Variants in LINGO2 observed in about 807,000 individuals in gnomAD.
LINGO2 encodes the protein leucine rich repeat and Ig domain containing 2, also known as leucine-rich repeat and immunoglobulin-like domain-containing nogo receptor-interacting protein 2.
A neutral mutation model predicts 30.6 loss-of-function variants in LINGO2; 14 were observed. The ratio of observed to expected loss-of-function variants is 0.46; its 90% CI spans 0.30 to 0.72. The LOEUF (loss-of-function observed/expected upper bound fraction) is 0.72, where lower values mean the gene tolerates loss of function less well. Ranked by LOEUF, LINGO2 falls within the 30% of genes least tolerant of loss-of-function variation. LINGO2 has a pLI of 0.07. For synonymous variants in LINGO2, 317 were observed against 288.5 expected (o/e 1.10, Z -1.00); for missense variants, 729 against 751.7 (o/e 0.97, Z 0.35).
rs139224893 is a variant in LINGO2 at position 28,451,075 on chromosome 9, G to C, written c.-279+24865C>G. On this transcript the variant is annotated intron_variant, in intron 2 of 5. Transcript: ENST00000379992. Reference sequence around the variant, plus strand: ...CAAAGTGAAAAAAGATAAAATTTTTGAATGCAAGTGTGTCAAATTGTTTAA... The same window carrying C: ...CAAAGTGAAAAAAGATAAAATTTTTCAATGCAAGTGTGTCAAATTGTTTAA... Among the ~76,000 whole-genome samples the C allele has an allele frequency of 1.2e-3, 183 of 151,872 alleles. 2 individuals carry two copies. The highest frequency in any genetic ancestry group is 4.2e-3 in the African/African-American group (176 of 41,514).
At chr9:29,055,339 T>C in the LINGO2 span, among the ~76,000 whole-genome samples, 1 of 152,284 alleles carries the variant, frequency 6.6e-6, no homozygotes, top group Non-Finnish European at 1.5e-5. Flanking sequence ...AATGACTTAG[T>C]TTGTCCTCAA....
the LINGO2 span, among the ~76,000 whole-genome samples, chr9:29,032,628 G>A: frequency 6.9e-3 from 1,054 of 152,180 alleles, 15 homozygotes; most frequent in African/African-American, 0.024. Flanking sequence ...ATTCTGTTGT[G>A]TACTCAGTTA....
intron 3 of LINGO2, among the ~76,000 whole-genome samples, chr9:28,356,097 T>C (rs1219086727): frequency 6.6e-6 from 1 of 152,198 alleles, no homozygotes; most frequent in Non-Finnish European, 1.5e-5. Flanking sequence ...AAGCAATCAA[T>C]TGTGAATACT....
the LINGO2 span, among the ~76,000 whole-genome samples, chr9:28,908,708 A>T: frequency 1.3e-5 from 2 of 151,906 alleles, no homozygotes; most frequent in Non-Finnish European, 2.9e-5. Context: ...AGGATGCACA[A>T]GAAAAGGTTT....
the LINGO2 span, among the ~76,000 whole-genome samples, chr9:29,120,891 GTCAGCA>G: frequency 2.6e-5 from 4 of 152,122 alleles, no homozygotes; most frequent in African/African-American, 7.2e-5. Context: ...ATCTAATGCT[GTCAGCA>G]CCATAAATGG....
At chr9:28,912,409 TG>T in the LINGO2 span, among the ~76,000 whole-genome samples, 1 of 152,202 alleles carries the variant, frequency 6.6e-6, no homozygotes, top group Admixed American at 6.5e-5. Context: ...TCTCCATGCC[TG>T]GTAAGCTGTT....
chr9:28,919,947 T>A, the LINGO2 span, among the ~76,000 whole-genome samples: 1 of 152,188 alleles, frequency 6.6e-6, no homozygotes. Flanking sequence ...AGTGAATATT[T>A]CTATACTTTA....
Position 28,148,343 on chromosome 9 carries a change from C to T in LINGO2, c.-86-135938G>A. On this transcript the variant is annotated intron_variant, in intron 4 of 5. Coordinates refer to ENST00000379992, the Ensembl canonical transcript of LINGO2. This position sits in a 1 kb window ranked among gnomAD's most constrained non-coding sequence, Gnocchi z 5.1. ...CTCCAGGATGTTTGGACACCTCAGCCCCGTGAGGATTCCTCATCTCAGAGG... is the reference window on the plus strand; with the variant it reads ...CTCCAGGATGTTTGGACACCTCAGCTCCGTGAGGATTCCTCATCTCAGAGG... The T allele has an allele frequency of 2.1e-6, 2 of 946,468 alleles. No individual in the cohort carries two copies. Among genetic ancestry groups the T allele is most frequent in the Non-Finnish European group, 3.3e-6 (2 of 609,286 alleles). The allele number at this position is 946,468 out of a possible 1,614,324, so 58.6% of individuals were successfully genotyped here.
At chr9:28,567,828 T>TAA (rs1823463490) in intron 1 of LINGO2, among the ~76,000 whole-genome samples, 1 of 142,736 alleles carries the variant, frequency 7.0e-6, no homozygotes, top group Non-Finnish European at 1.5e-5. Flanking sequence ...TAAATAAATT[T>TAA]ATAAGGAGCT....
the LINGO2 span, among the ~76,000 whole-genome samples, chr9:28,742,377 G>A: frequency 2.0e-5 from 3 of 150,240 alleles, no homozygotes; most frequent in Non-Finnish European, 2.9e-5. Context: ...TCACATTGAT[G>A]TGTCTGAGGA....
rs147110960 is a variant in LINGO2 at position 28,015,088 on chromosome 9, TG to T, written c.-86-2684del. 0.015 allele frequency among the ~76,000 whole-genome samples: 2,259 copies of T among 152,240 alleles called. 238 individuals are homozygous for T. The East Asian group carries it at 0.29, about 19-fold the overall frequency. On this transcript the variant is annotated intron_variant, in intron 4 of 5. Transcript: ENST00000379992. ...GTCTCAAATTGAATGTCAAGAGAAC[TG>T]GAAATTCTTTGATCCAAAAGGCAAC...
intron 4 of LINGO2, among the ~76,000 whole-genome samples, chr9:28,098,473 G>T (rs960611597): frequency 2.0e-5 from 3 of 152,024 alleles, no homozygotes; most frequent in East Asian, 1.9e-4. Flanking sequence ...CACAAATTTG[G>T]CTTGCTGTCT....
the LINGO2 span, among the ~76,000 whole-genome samples, chr9:29,207,449 T>G: frequency 0.033 from 5,046 of 152,130 alleles, 261 homozygotes; most frequent in African/African-American, 0.11. Context: ...TCCTCTTATG[T>G]CGTCCAATTT....
intron 1 of LINGO2, among the ~76,000 whole-genome samples, chr9:28,648,582 C>A (rs977807457): frequency 3.3e-5 from 5 of 151,998 alleles, no homozygotes; most frequent in Non-Finnish European, 7.4e-5. Flanking sequence ...TACAATTATT[C>A]TCTAAAATAT....
the LINGO2 span, among the ~76,000 whole-genome samples, chr9:28,960,963 C>G: frequency 6.6e-6 from 1 of 151,954 alleles, no homozygotes; most frequent in Non-Finnish European, 1.5e-5. Context: ...ATCACAAGGT[C>G]TACAGGAATG....
intron 4 of LINGO2, among the ~76,000 whole-genome samples, chr9:28,254,397 T>A (rs1359014766): frequency 2.6e-5 from 4 of 152,138 alleles, no homozygotes; most frequent in Non-Finnish European, 1.5e-5. Flanking sequence ...CTCTCTCAAC[T>A]ATTTCTTAAT....
intron 2 of LINGO2, among the ~76,000 whole-genome samples, chr9:28,468,905 G>T (rs1034153): frequency 0.62 from 93,822 of 151,810 alleles, 29,507 homozygotes; most frequent in South Asian, 0.73. Flanking sequence ...AGCATTCAAA[G>T]AGATAGGGTA....
chr9:29,136,658 C>T, the LINGO2 span, among the ~76,000 whole-genome samples: 2 of 152,132 alleles, frequency 1.3e-5, no homozygotes, highest in Non-Finnish European at 1.5e-5. Context: ...ACCTAATCTT[C>T]CACTTATTAA....
chr9:28,079,384 T>C (rs1450411911), intron 4 of LINGO2, among the ~76,000 whole-genome samples: 1 of 152,188 alleles, frequency 6.6e-6, no homozygotes, highest in Non-Finnish European at 1.5e-5. Context: ...AGTTAACCAG[T>C]CTGAAGGCAC....
Sources: gnomAD v4.1 joint callset for allele counts (sites outside exome capture counted in the v4.1 genomes callset) on GRCh38, gnomAD v4.1.1 for gene constraint, Gnocchi (gnomAD v3.1) non-coding constraint, MANE v1.5 for transcripts, NCBI Gene and HGNC (gene_info 2026-07-23, HGNC 2026-07-21) for gene names.